The following NIN variants were observed in gnomAD, a reference collection of about 807,000 sequenced individuals.
NIN encodes glycogen synthase kinase 3 beta-interacting protein.
In NIN, 137 loss-of-function variants were observed where a neutral mutation model predicts 257.6. The observed-to-expected ratio is 0.53, with a 90% confidence interval of 0.46 to 0.61. NIN has a LOEUF of 0.61. Ranked by LOEUF, NIN falls within the 20% of genes least tolerant of loss-of-function variation. The pLI is 0.00. For synonymous variants in NIN, 918 were observed against 919.8 expected (o/e 1.00, Z 0.04); for missense variants, 2,439 against 2,501.2 (o/e 0.98, Z 0.53).
Position 50,729,595 on chromosome 14 carries a change from C to T in NIN, c.6006G>A (p.Leu2002=), listed in dbSNP as rs754220921. The T allele has an allele frequency of 8.3e-5, 134 of 1,613,984 alleles. No homozygotes were observed. The East Asian group carries it at 2.8e-3, about 34-fold the overall frequency. ...GGTGCTGGTTTATCCTTTCTGCCTGCAGCAGCTGGCGTTGAAGCTGCAGAA... is the reference window on the plus strand; with the variant it reads ...GGTGCTGGTTTATCCTTTCTGCCTGTAGCAGCTGGCGTTGAAGCTGCAGAA... ...EQFLQLQRQL[L]QAERINQHLQ... Residue 2002 remains leucine, a synonymous_variant, in exon 29 of 31, where the codon CTG becomes CTA. Coordinates refer to ENST00000530997, the MANE Select transcript of NIN (RefSeq NM_020921.4).
intron 28 of NIN, chr14:50,730,942 C>G (rs772568410): frequency 1.5e-6 from 2 of 1,347,772 alleles, no homozygotes; most frequent in South Asian, 1.2e-5. Context: ...CTATCTCAGG[C>G]AGAGAACTGC....
intron 5 of NIN, among the ~76,000 whole-genome samples, chr14:50,780,405 A>T (rs2043088409): frequency 1.3e-5 from 2 of 152,238 alleles, no homozygotes; most frequent in South Asian, 4.1e-4. Flanking sequence ...TCGACAGGAA[A>T]GTCAGCCTAA....
chr14:50,777,180 G>A, intron 6 of NIN, 41 bp from the exon 7 acceptor site: 1 of 1,475,808 alleles, frequency 6.8e-7, no homozygotes, highest in African/African-American at 1.4e-5. Context: ...CAAAGGAATT[G>A]CAAAGAGAGA....
At chr14:50,750,552 A>G (rs574361309) in intron 21 of NIN, among the ~76,000 whole-genome samples, 3 of 150,952 alleles carry the variant, frequency 2.0e-5, no homozygotes, top group Admixed American at 6.7e-5. Context: ...TGACTAGATT[A>G]TCATAGCATG....
At chr14:50,740,800 T>C (rs549027558) in intron 25 of NIN, among the ~76,000 whole-genome samples, 2 of 152,374 alleles carry the variant, frequency 1.3e-5, no homozygotes, top group East Asian at 1.9e-4. Context: ...CTAGTTTTTT[T>C]ATAAAAAGTT....
At chr14:50,727,094 A>G (rs543731574) in intron 29 of NIN, 173 of 314,634 alleles carry the variant, frequency 5.5e-4, no homozygotes, top group Non-Finnish European at 6.5e-4. Context: ...TATTTAAAAA[A>G]AAATAATAGC....
At chr14:50,817,039 C>G (rs2044934125) in intron 3 of NIN, among the ~76,000 whole-genome samples, 1 of 152,192 alleles carries the variant, frequency 6.6e-6, no homozygotes, top group Non-Finnish European at 1.5e-5. Context: ...ACCACAGACC[C>G]TCAGGAGTTC....
chr14:50,790,895 A>G (rs1401306625), intron 5 of NIN, among the ~76,000 whole-genome samples: 1 of 152,226 alleles, frequency 6.6e-6, no homozygotes, highest in Non-Finnish European at 1.5e-5. Flanking sequence ...ACATATAACA[A>G]GGATATAAGA....
intron 21 of NIN, among the ~76,000 whole-genome samples, chr14:50,752,245 C>T (rs535326153): frequency 1.3e-4 from 20 of 151,618 alleles, no homozygotes; most frequent in Admixed American, 3.9e-4. Context: ...TATCTATTTC[C>T]GAATGTCTAC....
At chr14:50,795,847 C>T (rs1204282216) in intron 4 of NIN, among the ~76,000 whole-genome samples, 1 of 152,158 alleles carries the variant, frequency 6.6e-6, no homozygotes, top group East Asian at 1.9e-4. Flanking sequence ...GGCGTGGCGG[C>T]TCGTGACTGT....
At chr14:50,774,900 C>T (rs867792669) in intron 7 of NIN, among the ~76,000 whole-genome samples, 64 of 151,428 alleles carry the variant, frequency 4.2e-4, no homozygotes, top group Middle Eastern at 3.4e-3. Flanking sequence ...AACTGGGGCA[C>T]GCTCTACACT....
Position 50,723,571 on chromosome 14 carries a change from T to C in NIN, c.6294A>G (p.Thr2098=). The C allele has an allele frequency of 6.2e-7, 1 of 1,613,974 alleles. No individual in the cohort carries two copies. The highest frequency in any genetic ancestry group is 1.1e-5 in the South Asian group (1 of 91,082). The change falls in exon 31 of 31, where the codon ACA becomes ACG. Residue 2098 remains threonine (T), a synonymous_variant. Coordinates refer to ENST00000530997, the MANE Select transcript of NIN (RefSeq NM_020921.4). ...ALEVTEQRQK[T]AEKKNYLLEE... ...CCAGGAGGTAATTTTTCTTCTCTGC[T>C]GTTTTCTGTCGCTGTTCAGTCACTT...
chr14:50,724,628 A>C (rs2040344398), intron 30 of NIN, among the ~76,000 whole-genome samples: 2 of 152,102 alleles, frequency 1.3e-5, no homozygotes, highest in Admixed American at 6.5e-5. Flanking sequence ...TTCTTGGCTC[A>C]GCACTGGAGG....
chr14:50,816,052 T>C (rs1018437567), intron 3 of NIN, among the ~76,000 whole-genome samples: 7 of 152,042 alleles, frequency 4.6e-5, no homozygotes, highest in African/African-American at 1.7e-4. Flanking sequence ...TTGCAAGACA[T>C]AGATGGAGCT....
At chr14:50,777,959 G>A (rs1273898923) in intron 6 of NIN, among the ~76,000 whole-genome samples, 2 of 152,142 alleles carry the variant, frequency 1.3e-5, no homozygotes, top group Non-Finnish European at 2.9e-5. Flanking sequence ...TTTAGTGACA[G>A]GAATTAAGCC....
chr14:50,755,648 CTTTTTT>C (rs71118900), intron 18 of NIN, among the ~76,000 whole-genome samples: 1 of 79,992 alleles, frequency 1.3e-5, no homozygotes, highest in South Asian at 4.3e-4. Flanking sequence ...TGTTTTGTCT[CTTTTTT>C]TTTTTTTTTT....
At chr14:50,815,345 A>AATGAGACTGG (rs1566877235) in intron 3 of NIN, among the ~76,000 whole-genome samples, 1 of 152,234 alleles carries the variant, frequency 6.6e-6, no homozygotes, top group African/African-American at 2.4e-5. Context: ...ATGAGATGCC[A>AATGAGACTGG]CCTCATGCCA....
At chr14:50,829,466 G>A (rs1163932478) in intron 2 of NIN, among the ~76,000 whole-genome samples, 1 of 152,222 alleles carries the variant, frequency 6.6e-6, no homozygotes, top group Non-Finnish European at 1.5e-5. Flanking sequence ...GAGAAACGTC[G>A]TGGTTCCAGG....
chr14:50,826,570 G>T (rs541765929), intron 2 of NIN, among the ~76,000 whole-genome samples: 1 of 152,302 alleles, frequency 6.6e-6, no homozygotes, highest in South Asian at 2.1e-4. Context: ...ATAGGTGGAG[G>T]TGTGGCTAGA....
Sources: gnomAD v4.1 joint callset for allele counts (sites outside exome capture counted in the v4.1 genomes callset) on GRCh38, gnomAD v4.1.1 for gene constraint, MANE v1.5 for transcripts, NCBI Gene and HGNC (gene_info 2026-07-23, HGNC 2026-07-21) for gene names.